TWSG1: variants seen among roughly 807,000 people sequenced by gnomAD.
TWSG1 encodes the protein twisted gastrulation protein homolog 1.
TWSG1 carries 15 observed loss-of-function variants against 23.0 expected under a neutral mutation model. The observed-to-expected ratio is 0.65, with a 90% CI of 0.44 to 1.00. The LOEUF is 1.00. TWSG1 is among the 50% of genes least tolerant of loss of function. The pLI is 0.00. For missense variants in TWSG1, 242 were observed against 278.7 expected, an observed-to-expected ratio of 0.87 and a Z score of 0.94; for synonymous variants, 86 against 92.8, an observed-to-expected ratio of 0.93 and a Z score of 0.42.
At chr18:9,335,468 G>C (rs2040418463) in intron 1 of TWSG1, among the ~76,000 whole-genome samples, 1 of 152,226 alleles carries the variant, frequency 6.6e-6, no homozygotes, top group Admixed American at 6.5e-5. Context: ...ACTTTTTCCA[G>C]TGAAATTTGG....
At chr18:9,341,371 A>G (rs999590613) in intron 2 of TWSG1, among the ~76,000 whole-genome samples, 3 of 152,200 alleles carry the variant, frequency 2.0e-5, no homozygotes, top group African/African-American at 7.2e-5. Context: ...AGAGTAATAA[A>G]TTATTAAATT....
intron 3 of TWSG1, 114 bp from the exon 4 acceptor site, chr18:9,396,166 A>AAG: frequency 1.2e-6 from 1 of 856,468 alleles, no homozygotes; most frequent in Non-Finnish European, 1.7e-6. Context: ...AAAAAAAAAA[A>AAG]AAAGGTAGGA....
At chr18:9,363,529 G>T (rs1016148593) in intron 3 of TWSG1, among the ~76,000 whole-genome samples, 1 of 152,024 alleles carries the variant, frequency 6.6e-6, no homozygotes, top group Non-Finnish European at 1.5e-5. Context: ...ACTATTATCC[G>T]TGAAGTCCTT....
intron 1 of TWSG1, among the ~76,000 whole-genome samples, chr18:9,335,777 C>T (rs1017942420): frequency 6.6e-6 from 1 of 152,164 alleles, no homozygotes; most frequent in Non-Finnish European, 1.5e-5. Flanking sequence ...GGTCCAAAGC[C>T]CTTTATTCTT....
chr18:9,360,137 T>G, intron 3 of TWSG1, 66 bp downstream of exon 3: 2 of 1,294,986 alleles, frequency 1.5e-6, no homozygotes, highest in Admixed American at 1.8e-5. Context: ...TTAAGAGACT[T>G]TAAGGAATAT....
At chr18:9,337,151 C>G in intron 1 of TWSG1, 42 bp from the exon 2 acceptor site, 6 of 1,527,000 alleles carry the variant, frequency 3.9e-6, no homozygotes, top group Non-Finnish European at 5.4e-6. Context: ...TGTTTTTACC[C>G]TAGCACTTGC....
At chr18:9,395,984 A>G (rs1005598628) in intron 3 of TWSG1, among the ~76,000 whole-genome samples, 4 of 152,096 alleles carry the variant, frequency 2.6e-5, no homozygotes, top group Admixed American at 2.6e-4. Context: ...TTCTGGCACA[A>G]ATGTGTTCCT....
chr18:9,343,665 C>G (rs1379986964), intron 2 of TWSG1, among the ~76,000 whole-genome samples: 1 of 152,014 alleles, frequency 6.6e-6, no homozygotes, highest in South Asian at 2.1e-4. Flanking sequence ...GGAATCATAC[C>G]TTGTCTTTTG....
At chr18:9,392,431 T>G (rs1465057124) in intron 3 of TWSG1, among the ~76,000 whole-genome samples, 1 of 152,238 alleles carries the variant, frequency 6.6e-6, no homozygotes, top group Non-Finnish European at 1.5e-5. Context: ...CTTACCTCTC[T>G]CAGCCTTCAC....
rs1280852133 is a variant in TWSG1, at chr18:9,399,751, A to G, written c.*224A>G. On this transcript the variant is annotated 3_prime_UTR_variant, in exon 5 of 5. Coordinates refer to ENST00000262120, the MANE Select transcript of TWSG1 (RefSeq NM_020648.6). The stretch of plus-strand genomic sequence containing the variant: ...TAGCAATAAGCCCTTTCCTTTGAAT[A>G]CATGTACAACTTTGGTCATATGAGA... The G allele has an allele frequency of 7.7e-6, 3 of 389,150 alleles. No homozygotes were observed. Among genetic ancestry groups the G allele is most frequent in the Admixed American group, 9.0e-5 (2 of 22,168 alleles). 24.1% of individuals were successfully genotyped at this position (389,150 alleles called of 1,614,324 possible).
At chr18:9,368,858 G>A (rs147707763) in intron 3 of TWSG1, among the ~76,000 whole-genome samples, 1,551 of 152,194 alleles carry the variant, frequency 0.01, 29 homozygotes, top group African/African-American at 0.036. Flanking sequence ...TGAGGCAGGA[G>A]AATCGCTTGA....
At chr18:9,365,870 A>C (rs1399383363) in intron 3 of TWSG1, among the ~76,000 whole-genome samples, 9 of 135,198 alleles carry the variant, frequency 6.7e-5, no homozygotes, top group Non-Finnish European at 8.2e-5. Context: ...ACTGGGCATA[A>C]TGATGCATGC....
At chr18:9,352,410 G>A (rs181310344) in intron 2 of TWSG1, among the ~76,000 whole-genome samples, 2 of 152,206 alleles carry the variant, frequency 1.3e-5, no homozygotes, top group African/African-American at 4.8e-5. Flanking sequence ...GTCTTTTTAT[G>A]GACCTATGTT....
intron 2 of TWSG1, among the ~76,000 whole-genome samples, chr18:9,342,442 A>T (rs1157580349): frequency 6.6e-6 from 1 of 152,250 alleles, no homozygotes; most frequent in Non-Finnish European, 1.5e-5. Context: ...AACTGGCAAT[A>T]AACCATGTTT....
chr18:9,365,997 C>A (rs1283280169), intron 3 of TWSG1, among the ~76,000 whole-genome samples: 2 of 152,092 alleles, frequency 1.3e-5, no homozygotes, highest in South Asian at 4.1e-4. Flanking sequence ...CAGATCAAGA[C>A]CCTGTTTCAA....
At chr18:9,375,886 C>T (rs1432739329) in intron 3 of TWSG1, among the ~76,000 whole-genome samples, 1 of 151,922 alleles carries the variant, frequency 6.6e-6, no homozygotes, top group African/African-American at 2.4e-5. Context: ...TCCATACTGT[C>T]AAGATGTCAG....
At chr18:9,346,863 C>T (rs1464407871) in intron 2 of TWSG1, among the ~76,000 whole-genome samples, 2 of 152,126 alleles carry the variant, frequency 1.3e-5, no homozygotes, top group African/African-American at 4.8e-5. Context: ...GTAATTGCTG[C>T]GTTGTAGGGT....
chr18:9,364,530 C>A (rs889308701), intron 3 of TWSG1, among the ~76,000 whole-genome samples: 1 of 152,124 alleles, frequency 6.6e-6, no homozygotes, highest in Non-Finnish European at 1.5e-5. Context: ...TGGTGGCTCA[C>A]GCGTATAATC....
chr18:9,350,233 A>T (rs1434636227), intron 2 of TWSG1, among the ~76,000 whole-genome samples: 1 of 150,606 alleles, frequency 6.6e-6, no homozygotes, highest in Non-Finnish European at 1.5e-5. Context: ...GTTCAAATGT[A>T]ATGAGTTAGG....
Sources: allele counts gnomAD v4.1 joint callset (sites outside exome capture counted in the v4.1 genomes callset), GRCh38; gene constraint gnomAD v4.1.1; transcripts MANE v1.5; gene names NCBI Gene and HGNC (gene_info 2026-07-23, HGNC 2026-07-21).